CEP128: variants seen among roughly 807,000 people sequenced by gnomAD.
The protein encoded by CEP128 is centrosomal protein 128kDa.
In CEP128, 132 loss-of-function variants were observed where a neutral mutation model predicts 156.7. That is an observed-to-expected ratio of 0.84 (90% CI 0.73 to 0.97). The LOEUF (loss-of-function observed/expected upper bound fraction) is 0.97, where lower values mean the gene tolerates loss of function less well. Among genes scored for constraint, CEP128 ranks in the 50% least tolerant of loss-of-function variants. CEP128 has a pLI of 0.00. For missense variants in CEP128, 1,252 were observed against 1,281.9 expected (o/e 0.98, Z 0.36); for synonymous variants, 469 against 448.9 (o/e 1.04, Z -0.57).
intron 16 of CEP128, among the ~76,000 whole-genome samples, chr14:80,775,970 A>G (rs1260966883): frequency 6.6e-6 from 1 of 152,088 alleles, no homozygotes; most frequent in Non-Finnish European, 1.5e-5. Context: ...AATAGCTGGG[A>G]TTACAGGTGC....
chr14:80,628,834 A>ATG (rs1555384231), intron 19 of CEP128, among the ~76,000 whole-genome samples: 2 of 132,392 alleles, frequency 1.5e-5, no homozygotes, highest in South Asian at 2.3e-4. Flanking sequence ...TAGCTCACAT[A>ATG]TATATATGTA....
intron 13 of CEP128, among the ~76,000 whole-genome samples, chr14:80,810,323 CAAAAAAAAA>C (rs71103883): frequency 4.6e-4 from 7 of 15,192 alleles, no homozygotes; most frequent in Admixed American, 1.0e-3. Context: ...ACTCCATCTC[CAAAAAAAAA>C]AAAAAAAAAA....
chr14:80,623,002 A>G (rs1893552898), intron 19 of CEP128, among the ~76,000 whole-genome samples: 1 of 152,182 alleles, frequency 6.6e-6, no homozygotes, highest in Non-Finnish European at 1.5e-5. Flanking sequence ...ATAAAGACAC[A>G]TGCACATGTA....
At chr14:80,741,079 A>G (rs1898808382) in intron 19 of CEP128, among the ~76,000 whole-genome samples, 1 of 152,134 alleles carries the variant, frequency 6.6e-6, no homozygotes, top group Admixed American at 6.6e-5. Flanking sequence ...TAATAGCCAA[A>G]ACTACAACCA....
At chr14:80,843,816 T>C (rs933602723) in intron 9 of CEP128, among the ~76,000 whole-genome samples, 3 of 151,934 alleles carry the variant, frequency 2.0e-5, no homozygotes, top group Admixed American at 2.0e-4. Context: ...TAAAACACTA[T>C]CATGGAAACT....
chr14:80,492,882 C>G (rs1256318962), downstream of CEP128, among the ~76,000 whole-genome samples: 1 of 152,008 alleles, frequency 6.6e-6, no homozygotes, highest in African/African-American at 2.4e-5. Context: ...GAACATTTAT[C>G]CTACTTTCCC....
intron 16 of CEP128, among the ~76,000 whole-genome samples, chr14:80,774,609 A>ATG (rs143520284): frequency 5.6e-4 from 84 of 150,670 alleles, no homozygotes; most frequent in East Asian, 7.8e-4. Flanking sequence ...ATATATACAT[A>ATG]TGTGTGTGTG....
intron 19 of CEP128, among the ~76,000 whole-genome samples, chr14:80,704,298 T>C (rs1897165330): frequency 1.3e-5 from 2 of 151,966 alleles, no homozygotes; most frequent in African/African-American, 4.8e-5. Flanking sequence ...AAAGAGTTAA[T>C]TCTAGCCAAA....
intron 9 of CEP128, among the ~76,000 whole-genome samples, chr14:80,861,866 T>G (rs909007303): frequency 2.0e-5 from 3 of 152,234 alleles, no homozygotes; most frequent in Non-Finnish European, 2.9e-5. Context: ...ATTTATTTTT[T>G]AATCAGTTGA....
upstream of CEP128, among the ~76,000 whole-genome samples, chr14:80,945,944 A>G (rs1886330130): frequency 1.3e-5 from 2 of 152,186 alleles, no homozygotes; most frequent in South Asian, 4.1e-4. Context: ...CACTAGTGGC[A>G]ACTAGAGGTG....
chr14:80,948,004 C>T (rs1328965796), intron 2 of CEP128, among the ~76,000 whole-genome samples: 1 of 152,160 alleles, frequency 6.6e-6, no homozygotes, highest in Non-Finnish European at 1.5e-5. Flanking sequence ...TGGTCAAGCT[C>T]CCCTATAGTA....
intron 19 of CEP128, among the ~76,000 whole-genome samples, chr14:80,630,557 A>C (rs895496336): frequency 6.6e-6 from 1 of 152,024 alleles, no homozygotes; most frequent in African/African-American, 2.4e-5. Flanking sequence ...GCAAGAAATT[A>C]AGTCATATGG....
chr14:80,520,437 C>CA (rs200662681), intron 23 of CEP128, among the ~76,000 whole-genome samples: 2 of 115,014 alleles, frequency 1.7e-5, no homozygotes, highest in African/African-American at 5.5e-5. Context: ...AACAAACAAA[C>CA]AAACAAAAAA....
At chr14:80,595,085 C>T (rs994026658) in intron 19 of CEP128, among the ~76,000 whole-genome samples, 2 of 152,136 alleles carry the variant, frequency 1.3e-5, no homozygotes, top group Non-Finnish European at 2.9e-5. Flanking sequence ...AAATGCCCAT[C>T]AATGATAGAC....
In CEP128 at chr14:80,621,911, C is replaced by A. The variant is rs553012125; in HGVS notation, c.2807-41488G>T. On this transcript the variant is annotated intron_variant, in intron 19 of 24. Transcript: ENST00000555265. Reference sequence around the variant, plus strand: ...TCCTGTTAGTGACTGTTATGACAGCCCCAAGAGAATGAAGGCTAAAATTAG... The same window carrying A: ...TCCTGTTAGTGACTGTTATGACAGCACCAAGAGAATGAAGGCTAAAATTAG... Among the ~76,000 whole-genome samples the A allele has an allele frequency of 1.8e-3, 270 of 152,164 alleles. 1 individual carries two copies. The highest frequency in any genetic ancestry group is 6.0e-3 in the African/African-American group (250 of 41,506).
At chr14:80,657,271 A>C (rs1488148819) in intron 19 of CEP128, among the ~76,000 whole-genome samples, 1 of 151,842 alleles carries the variant, frequency 6.6e-6, no homozygotes, top group South Asian at 2.1e-4. Flanking sequence ...AAAAAAATTT[A>C]AAAAAAATGG....
chr14:80,853,006 A>G (rs1886968618), intron 9 of CEP128, among the ~76,000 whole-genome samples: 1 of 151,976 alleles, frequency 6.6e-6, no homozygotes, highest in African/African-American at 2.4e-5. Flanking sequence ...GGAATCAACC[A>G]TATTTAAATC....
chr14:80,741,504 C>T (rs1898828910), intron 19 of CEP128, among the ~76,000 whole-genome samples: 1 of 152,054 alleles, frequency 6.6e-6, no homozygotes, highest in Non-Finnish European at 1.5e-5. Flanking sequence ...GACTTACAGG[C>T]CCAGAATACC....
downstream of CEP128, among the ~76,000 whole-genome samples, chr14:80,493,216 A>G (rs1366073369): frequency 6.6e-6 from 1 of 152,188 alleles, no homozygotes; most frequent in Non-Finnish European, 1.5e-5. Flanking sequence ...AAAAGAGAGC[A>G]TTCGTCCAGA....
Sources: allele counts gnomAD v4.1 joint callset (sites outside exome capture counted in the v4.1 genomes callset), GRCh38; gene constraint gnomAD v4.1.1; transcripts MANE v1.5; gene names NCBI Gene and HGNC (gene_info 2026-07-23, HGNC 2026-07-21).